CIB4: variants seen among roughly 807,000 people sequenced by gnomAD.
CIB4 encodes the protein calcium and integrin binding family member 4.
A neutral mutation model predicts 25.8 loss-of-function variants in CIB4; 25 were observed. The ratio of observed to expected loss-of-function variants is 0.97; its 90% CI spans 0.71 to 1.35. CIB4 has a LOEUF of 1.35. Ranked by LOEUF, CIB4 falls within the 40% of genes most tolerant of loss-of-function variation. The pLI, the probability that CIB4 is intolerant of heterozygous loss-of-function variation, is 0.00. For missense variants in CIB4, 235 were observed against 228.2 expected, an observed-to-expected ratio of 1.03 and a Z score of -0.19; for synonymous variants, 75 against 81.4, an observed-to-expected ratio of 0.92 and a Z score of 0.42.
chr2:26,586,466 C>A (rs1251127234), intron 4 of CIB4, among the ~76,000 whole-genome samples: 1 of 152,198 alleles, frequency 6.6e-6, no homozygotes, highest in Admixed American at 6.5e-5. Flanking sequence ...TCACAGAATA[C>A]TCCCCAACAC....
rs142201456 is a variant in CIB4, at chr2:26,587,012, G to A, written c.329-3114C>T. On this transcript the variant is annotated intron_variant, in intron 4 of 6. Transcript: ENST00000288861. ...GAGCTTTAGAATAGGTAACTGGCCC[G>A]GCACGGTGGATTACACTGTGGATTA... Among the ~76,000 whole-genome samples the A allele has an allele frequency of 8.5e-5, 13 of 152,184 alleles. No homozygotes were observed. The East Asian group carries it at 1.9e-3, about 23-fold the overall frequency.
chr2:26,583,755 C>T, intron 5 of CIB4, 34 bp downstream of exon 5: 4 of 1,425,846 alleles, frequency 2.8e-6, no homozygotes, highest in Middle Eastern at 2.4e-4. Context: ...CTATCCCCGG[C>T]CCCAGCCACC....
intron 4 of CIB4, among the ~76,000 whole-genome samples, chr2:26,593,390 A>G (rs1668623613): frequency 6.8e-6 from 1 of 146,566 alleles, no homozygotes; most frequent in African/African-American, 2.8e-5. Context: ...ATATACACAC[A>G]CACATATATA....
chr2:26,595,036 C>G (rs1437557798), intron 4 of CIB4, 140 bp downstream of exon 4: 2 of 759,288 alleles, frequency 2.6e-6, no homozygotes, highest in Non-Finnish European at 4.2e-6. Context: ...ATGGTACATG[C>G]AAAATATGAC....
intron 3 of CIB4, among the ~76,000 whole-genome samples, chr2:26,610,004 T>A (rs1351059895): frequency 6.6e-6 from 1 of 152,142 alleles, no homozygotes; most frequent in Non-Finnish European, 1.5e-5. Flanking sequence ...GAACATTCGC[T>A]CCTCTGCTTC....
chr2:26,623,676 G>T (rs913192451), intron 3 of CIB4: 3 of 395,660 alleles, frequency 7.6e-6, no homozygotes, highest in African/African-American at 2.1e-5. Context: ...TGTAGCAGGG[G>T]CGGGTCTATG....
intron 2 of CIB4, among the ~76,000 whole-genome samples, chr2:26,639,359 C>A (rs1025620367): frequency 3.3e-5 from 5 of 151,780 alleles, no homozygotes; most frequent in African/African-American, 4.8e-5. Flanking sequence ...CCCCCACCCC[C>A]CAACAGGCCC....
At chr2:26,631,262 C>T (rs1302369438) in intron 2 of CIB4, among the ~76,000 whole-genome samples, 1 of 152,098 alleles carries the variant, frequency 6.6e-6, no homozygotes, top group Non-Finnish European at 1.5e-5. Flanking sequence ...ATCGCTTGAG[C>T]CCAAGAGTTT....
chr2:26,612,951 C>A (rs1669024138), intron 3 of CIB4, among the ~76,000 whole-genome samples: 1 of 151,992 alleles, frequency 6.6e-6, no homozygotes, highest in African/African-American at 2.4e-5. Context: ...CTGGCCTTTG[C>A]CTCCATTCCC....
intron 6 of CIB4, among the ~76,000 whole-genome samples, chr2:26,581,942 G>C (rs1668353437): frequency 6.6e-6 from 1 of 152,220 alleles, no homozygotes; most frequent in East Asian, 1.9e-4. Context: ...TCAAGACCAA[G>C]GAGGTATAAA....
chr2:26,614,509 C>A (rs1322647633), intron 3 of CIB4, among the ~76,000 whole-genome samples: 2 of 152,222 alleles, frequency 1.3e-5, no homozygotes, highest in Non-Finnish European at 2.9e-5. Context: ...ACTCACTTCT[C>A]ACCTCAGACA....
chr2:26,589,661 C>CTTACTAACA (rs1668548939), intron 4 of CIB4, among the ~76,000 whole-genome samples: 1 of 152,200 alleles, frequency 6.6e-6, no homozygotes, highest in Admixed American at 6.5e-5. Flanking sequence ...TCCTGTCTTT[C>CTTACTAACA]TTACTAACAT....
At chr2:26,591,607 A>T (rs1668587669) in intron 4 of CIB4, among the ~76,000 whole-genome samples, 1 of 152,222 alleles carries the variant, frequency 6.6e-6, no homozygotes, top group Non-Finnish European at 1.5e-5. Flanking sequence ...CTTGGTGCTC[A>T]GGCTTTCGTA....
In CIB4 at chr2:26,627,903, T is replaced by A. The variant is rs930019785; in HGVS notation, c.186+1507A>T. ...TTAGGAGGGGCCGTGCAGCCGTGGC[T>A]TGAATGACATGTCTGTGCCCCCTCC... On this transcript the variant is annotated intron_variant, in intron 3 of 6. Coordinates refer to ENST00000288861, the MANE Select transcript of CIB4 (RefSeq NM_001029881.3). This position sits in a 1 kb window ranked among gnomAD's most constrained non-coding sequence, Gnocchi z 4.0. 1.1e-4 allele frequency among the ~76,000 whole-genome samples: 16 copies of A among 152,194 alleles called. No homozygotes were observed. Among genetic ancestry groups the A allele is most frequent in the African/African-American group, 3.6e-4 (15 of 41,448 alleles).
chr2:26,585,890 T>A (rs2148188265), intron 4 of CIB4, among the ~76,000 whole-genome samples: 1 of 152,108 alleles, frequency 6.6e-6, no homozygotes, highest in Non-Finnish European at 1.5e-5. Context: ...CCTCTAGACC[T>A]GCTGCACTCA....
chr2:26,609,645 A>G (rs1668959089), intron 3 of CIB4, among the ~76,000 whole-genome samples: 1 of 152,100 alleles, frequency 6.6e-6, no homozygotes, highest in African/African-American at 2.4e-5. Flanking sequence ...GCCAGAGAGG[A>G]GGAGGGAAGG....
At chr2:26,637,718 T>C (rs1669560145) in intron 2 of CIB4, among the ~76,000 whole-genome samples, 1 of 152,180 alleles carries the variant, frequency 6.6e-6, no homozygotes, top group South Asian at 2.1e-4. Flanking sequence ...CATTTCAGCA[T>C]CTCCTGCCTT....
chr2:26,598,379 G>A (rs760694671), intron 3 of CIB4, among the ~76,000 whole-genome samples: 9 of 152,042 alleles, frequency 5.9e-5, no homozygotes, highest in African/African-American at 9.7e-5. Context: ...CTCAGCAGCC[G>A]GCTAAAAATG....
intron 3 of CIB4, among the ~76,000 whole-genome samples, chr2:26,601,845 C>A (rs1005731500): frequency 6.6e-6 from 1 of 152,108 alleles, no homozygotes; most frequent in Non-Finnish European, 1.5e-5. Context: ...AATGAAACAA[C>A]GTGGATGATT....
Sources: allele counts gnomAD v4.1 joint callset (sites outside exome capture counted in the v4.1 genomes callset), GRCh38; gene constraint gnomAD v4.1.1; non-coding constraint Gnocchi (gnomAD v3.1); transcripts MANE v1.5; gene names NCBI Gene and HGNC (gene_info 2026-07-23, HGNC 2026-07-21).